Variants in NBEA observed in about 807,000 individuals in gnomAD.
NBEA encodes the protein lysosomal-trafficking regulator 2.
In NBEA, 44 loss-of-function variants were observed where a neutral mutation model predicts 343.4. That is an observed-to-expected ratio of 0.13 (90% CI 0.10 to 0.16). NBEA has a LOEUF of 0.16. NBEA is among the 10% of genes least tolerant of loss of function. NBEA has a pLI of 1.00. For synonymous variants in NBEA, 1,175 were observed against 1,238.7 expected, an observed-to-expected ratio of 0.95 and a Z score of 1.08; for missense variants, 2,555 against 3,631.3, an observed-to-expected ratio of 0.70 and a Z score of 7.62.
At chr13:35,276,130 A>G (rs1166164877) in intron 34 of NBEA, among the ~76,000 whole-genome samples, 2 of 152,198 alleles carry the variant, frequency 1.3e-5, no homozygotes, top group Admixed American at 6.6e-5. Flanking sequence ...TATGAAATCA[A>G]TCTTCTACTT....
rs2085644914 is a variant in NBEA at position 35,672,300 on chromosome 13, C to T, written c.*1309C>T. On this transcript the variant is annotated 3_prime_UTR_variant, in exon 59 of 59. Coordinates refer to ENST00000379939, the MANE Select transcript of NBEA (RefSeq NM_001385012.1). ...ATGTAATTTTCTCAGAATTTACACT[C>T]ACTCGCAGTCATTTATTTAAAAAGA... The T allele has an allele frequency of 3.9e-5, 6 of 152,616 alleles. No homozygotes were observed. The highest frequency in any genetic ancestry group is 3.9e-4 in the Admixed American group (6 of 15,284). 9.5% of individuals were successfully genotyped at this position (152,616 alleles called of 1,614,324 possible).
At chr13:35,056,177 A>G (rs553487820) in intron 7 of NBEA, 48 bp downstream of exon 7, 4 of 1,469,950 alleles carry the variant, frequency 2.7e-6, no homozygotes, top group African/African-American at 2.8e-5. Flanking sequence ...TGGGAGTATG[A>G]TCTATCATTA....
At chr13:35,557,427 A>C (rs1355633668) in intron 44 of NBEA, among the ~76,000 whole-genome samples, 1 of 152,180 alleles carries the variant, frequency 6.6e-6, no homozygotes, top group African/African-American at 2.4e-5. Flanking sequence ...ACACCTGAGC[A>C]GTATAGAGCC....
intron 38 of NBEA, among the ~76,000 whole-genome samples, chr13:35,379,472 A>G (rs930459699): frequency 1.3e-5 from 2 of 152,106 alleles, no homozygotes; most frequent in Admixed American, 6.5e-5. Flanking sequence ...TGATATATAT[A>G]TTGCAAATAT....
chr13:35,593,083 C>A, intron 46 of NBEA: 1 of 378,468 alleles, frequency 2.6e-6, no homozygotes, highest in South Asian at 6.5e-5. Context: ...CACTGGAACC[C>A]CATCATTTCA....
intron 19 of NBEA, 38 bp downstream of exon 19, chr13:35,155,893 C>T (rs1345506072): frequency 9.0e-6 from 14 of 1,558,904 alleles, no homozygotes; most frequent in East Asian, 2.2e-5. Flanking sequence ...TTGTGGTAGG[C>T]GCATGGCAAC....
chr13:35,252,117 A>C (rs2032047792), intron 34 of NBEA, among the ~76,000 whole-genome samples: 1 of 152,192 alleles, frequency 6.6e-6, no homozygotes, highest in Admixed American at 6.5e-5. Flanking sequence ...TAAAGGAAAG[A>C]GGTTTAATTG....
chr13:35,011,023 C>T (rs1230859101), intron 1 of NBEA, among the ~76,000 whole-genome samples: 1 of 151,110 alleles, frequency 6.6e-6, no homozygotes, highest in African/African-American at 2.4e-5. Flanking sequence ...TCTAGCAGGT[C>T]AAAGGTCAGG....
chr13:35,047,201 T>TTGTGTGTGTGTGTG (rs139134555), intron 4 of NBEA, among the ~76,000 whole-genome samples: 4,864 of 148,002 alleles, frequency 0.033, 110 homozygotes, highest in Non-Finnish European at 0.045. Context: ...TCATTTGAAA[T>TTGTGTGTGTGTGTG]TGTGTGTGTG....
chr13:35,474,114 A>G (rs912715968), intron 41 of NBEA: 3 of 152,364 alleles, frequency 2.0e-5, no homozygotes, highest in Non-Finnish European at 4.4e-5. Flanking sequence ...ATATTTCTCA[A>G]AATATTTAAG....
At chr13:35,265,469 A>G (rs2033595813) in intron 34 of NBEA, among the ~76,000 whole-genome samples, 1 of 151,968 alleles carries the variant, frequency 6.6e-6, no homozygotes. Flanking sequence ...AAAACATACT[A>G]CAAAGCTATA....
rs1218942210 is a variant in NBEA, at chr13:35,070,710, T to G, written c.1438-9T>G. ...GAAGTTTAATAAACATTTTTGTTTT[T>G]GGACATAGGATGTGAAAGCGATAGT... On this transcript the variant is annotated splice_polypyrimidine_tract_variant and intron_variant, in intron 9 of 58. Transcript: ENST00000379939. The G allele has an allele frequency of 6.4e-7, 1 of 1,568,592 alleles. No homozygotes were observed. Among genetic ancestry groups the G allele is most frequent in the Admixed American group, 1.7e-5 (1 of 58,340 alleles).
At chr13:35,501,802 T>G (rs1311821646) in intron 41 of NBEA, among the ~76,000 whole-genome samples, 4 of 152,084 alleles carry the variant, frequency 2.6e-5, no homozygotes, top group Non-Finnish European at 5.9e-5. Context: ...TTTCCTCGAC[T>G]CCTCCTGCAA....
intron 47 of NBEA, among the ~76,000 whole-genome samples, chr13:35,594,317 T>C (rs1490664602): frequency 1.3e-5 from 2 of 152,108 alleles, no homozygotes; most frequent in Admixed American, 6.6e-5. Context: ...AAATCAAAAT[T>C]GTCATTCACA....
intron 41 of NBEA, among the ~76,000 whole-genome samples, chr13:35,473,707 T>A (rs931056387): frequency 1.6e-4 from 25 of 152,294 alleles, no homozygotes; most frequent in African/African-American, 6.0e-4. Flanking sequence ...CCCTATGAAG[T>A]CAAAAAGAAA....
chr13:35,019,430 TG>T (rs1321097636), intron 1 of NBEA, among the ~76,000 whole-genome samples: 2 of 152,052 alleles, frequency 1.3e-5, no homozygotes, highest in Non-Finnish European at 2.9e-5. Flanking sequence ...CCCGAGTAGC[TG>T]GGATTATAGG....
intron 1 of NBEA, among the ~76,000 whole-genome samples, chr13:34,963,639 AT>A (rs2059729715): frequency 6.6e-6 from 1 of 151,914 alleles, no homozygotes; most frequent in African/African-American, 2.4e-5. Flanking sequence ...ACAGTTTTCT[AT>A]TTGTAAACCC....
chr13:35,111,098 G>A, intron 13 of NBEA, 120 bp downstream of exon 13: 2 of 739,632 alleles, frequency 2.7e-6, no homozygotes, highest in African/African-American at 3.6e-5. Context: ...TTCTTATATA[G>A]CAAACTGGCA....
At chr13:35,539,324 T>A (rs979436093) in intron 41 of NBEA, among the ~76,000 whole-genome samples, 1 of 152,070 alleles carries the variant, frequency 6.6e-6, no homozygotes, top group Non-Finnish European at 1.5e-5. Flanking sequence ...TCAGAAGGGA[T>A]CTGCCAGTCA....
Sources: gnomAD v4.1 joint callset for allele counts (sites outside exome capture counted in the v4.1 genomes callset) on GRCh38, gnomAD v4.1.1 for gene constraint, MANE v1.5 for transcripts, NCBI Gene and HGNC (gene_info 2026-07-23, HGNC 2026-07-21) for gene names.